DNM3: variants seen among roughly 807,000 people sequenced by gnomAD.
The protein encoded by DNM3 is dynamin-3.
A neutral mutation model predicts 101.6 loss-of-function variants in DNM3; 47 were observed. The observed-to-expected ratio is 0.46, with a 90% confidence interval of 0.37 to 0.59. The LOEUF (loss-of-function observed/expected upper bound fraction) is 0.59, where lower values mean the gene tolerates loss of function less well. Among genes scored for constraint, DNM3 ranks in the 20% least tolerant of loss-of-function variants. The probability of loss-of-function intolerance (pLI) is 0.00; values close to 1 mark genes in which losing one functional copy is unlikely to be tolerated. For synonymous variants in DNM3, 385 were observed against 387.9 expected (o/e 0.99, Z 0.09); for missense variants, 849 against 1,085.7 (o/e 0.78, Z 3.06).
At chr1:171,878,115 T>A (rs975938278) in intron 1 of DNM3, among the ~76,000 whole-genome samples, 1 of 122,156 alleles carries the variant, frequency 8.2e-6, no homozygotes, top group East Asian at 2.2e-4. Context: ...ATATAACACA[T>A]GAAATAATTT....
intron 14 of DNM3, among the ~76,000 whole-genome samples, chr1:172,197,818 CTG>C (rs769283863): frequency 2.0e-5 from 3 of 151,934 alleles, no homozygotes; most frequent in African/African-American, 4.8e-5. Context: ...GGCTGAGACT[CTG>C]TGGTTTTCTA....
intron 17 of DNM3, among the ~76,000 whole-genome samples, chr1:172,345,788 A>G (rs2066899436): frequency 6.6e-6 from 1 of 152,156 alleles, no homozygotes; most frequent in Non-Finnish European, 1.5e-5. Flanking sequence ...AAATAATTTC[A>G]TATCACCTTG....
At chr1:171,916,253 CCT>C (rs2039701359) in intron 1 of DNM3, among the ~76,000 whole-genome samples, 1 of 152,230 alleles carries the variant, frequency 6.6e-6, no homozygotes, top group East Asian at 1.9e-4. Flanking sequence ...CTTTTTTGTG[CCT>C]CTGTTTTCTC....
chr1:171,927,401 T>A (rs2040661836), intron 2 of DNM3, among the ~76,000 whole-genome samples: 1 of 152,160 alleles, frequency 6.6e-6, no homozygotes, highest in Non-Finnish European at 1.5e-5. Context: ...CTCTTCCCAC[T>A]CTCCACCCTC....
intron 10 of DNM3, among the ~76,000 whole-genome samples, chr1:172,061,872 A>T (rs1304557437): frequency 6.6e-6 from 1 of 152,158 alleles, no homozygotes; most frequent in Non-Finnish European, 1.5e-5. Context: ...AATTAAAAAA[A>T]AAGAAAATAC....
intron 17 of DNM3, among the ~76,000 whole-genome samples, chr1:172,349,353 AGCTATTAGTTCAGTC>A (rs1159441673): frequency 6.6e-6 from 1 of 152,148 alleles, no homozygotes; most frequent in Non-Finnish European, 1.5e-5. Flanking sequence ...AAATCCATAA[AGCTATTAGTTCAGTC>A]GCTGGCACTT....
chr1:171,856,114 T>G (rs900314329), intron 1 of DNM3, among the ~76,000 whole-genome samples: 5 of 152,342 alleles, frequency 3.3e-5, no homozygotes, highest in Non-Finnish European at 7.3e-5. Context: ...CACTATTTAT[T>G]GAATAGGTAG....
chr1:172,412,805 A>G, downstream of DNM3: 1 of 923,842 alleles, frequency 1.1e-6, no homozygotes, highest in African/African-American at 1.8e-5. Flanking sequence ...AGCTCTTTTG[A>G]TTAAATTGTC....
At chr1:172,148,129 C>G (rs912884429) in intron 14 of DNM3, among the ~76,000 whole-genome samples, 4 of 151,968 alleles carry the variant, frequency 2.6e-5, no homozygotes, top group African/African-American at 7.2e-5. Flanking sequence ...GTTCCCCTAC[C>G]GAATTCTTAT....
intron 17 of DNM3, among the ~76,000 whole-genome samples, chr1:172,337,890 T>TATTTTATTTTA (rs2066509993): frequency 1.4e-5 from 2 of 138,962 alleles, no homozygotes; most frequent in African/African-American, 5.5e-5. Flanking sequence ...TATTTTATTT[T>TATTTTATTTTA]ATTTTATTTT....
chr1:172,371,602 TATAATGTGC>T (rs1381973957), intron 17 of DNM3, among the ~76,000 whole-genome samples: 4 of 152,074 alleles, frequency 2.6e-5, no homozygotes, highest in Non-Finnish European at 5.9e-5. Flanking sequence ...CTATAAAATG[TATAATGTGC>T]ATATATTACC....
At chr1:172,399,318 C>T (rs772836723) in intron 20 of DNM3, among the ~76,000 whole-genome samples, 10 of 152,162 alleles carry the variant, frequency 6.6e-5, no homozygotes, top group Non-Finnish European at 8.8e-5. Context: ...TTTTTCAAGG[C>T]GTTTCAAATT....
At chr1:171,852,418 A>G (rs2033083384) in intron 1 of DNM3, among the ~76,000 whole-genome samples, 1 of 152,226 alleles carries the variant, frequency 6.6e-6, no homozygotes, top group African/African-American at 2.4e-5. Flanking sequence ...ACAAAGAATC[A>G]TATGTTGAGA....
intron 10 of DNM3, among the ~76,000 whole-genome samples, chr1:172,049,208 C>T (rs1044741212): frequency 6.6e-6 from 1 of 152,086 alleles, no homozygotes; most frequent in African/African-American, 2.4e-5. Context: ...AAGAACCCAG[C>T]CTTGGGGTTT....
chr1:172,013,696 C>G (rs2047270049), intron 4 of DNM3, among the ~76,000 whole-genome samples: 1 of 151,164 alleles, frequency 6.6e-6, no homozygotes, highest in Non-Finnish European at 1.5e-5. Flanking sequence ...TAGGAGTTGA[C>G]CAAAAAAATA....
intron 2 of DNM3, among the ~76,000 whole-genome samples, chr1:171,985,992 A>G (rs1435568475): frequency 1.3e-5 from 2 of 152,210 alleles, no homozygotes; most frequent in African/African-American, 4.8e-5. Flanking sequence ...ATGACAAGAA[A>G]GCAGGTTTCA....
At chr1:172,083,222 A>T (rs2053284734) in intron 12 of DNM3, among the ~76,000 whole-genome samples, 1 of 152,162 alleles carries the variant, frequency 6.6e-6, no homozygotes, top group Admixed American at 6.5e-5. Context: ...TTTCCTCCAC[A>T]GTCAGTGAAC....
At chr1:172,019,425 T>A (rs1028091040) in intron 4 of DNM3, among the ~76,000 whole-genome samples, 1 of 151,952 alleles carries the variant, frequency 6.6e-6, no homozygotes, top group Non-Finnish European at 1.5e-5. Flanking sequence ...TTGCTTTTTT[T>A]TTTTGTATTT....
At chr1:171,881,219 C>G (rs1236103640) in intron 1 of DNM3, among the ~76,000 whole-genome samples, 1 of 152,142 alleles carries the variant, frequency 6.6e-6, no homozygotes, top group Non-Finnish European at 1.5e-5. Context: ...AAATCAACCA[C>G]AAATTACCAT....
Sources: gnomAD v4.1 joint callset for allele counts (sites outside exome capture counted in the v4.1 genomes callset) on GRCh38, gnomAD v4.1.1 for gene constraint, MANE v1.5 for transcripts, NCBI Gene and HGNC (gene_info 2026-07-23, HGNC 2026-07-21) for gene names.